LRBA: variants seen among roughly 807,000 people sequenced by gnomAD.
LRBA encodes lipopolysaccharide-responsive and beige-like anchor protein.
A neutral mutation model predicts 330.0 loss-of-function variants in LRBA; 176 were observed. The observed-to-expected ratio is 0.53, with a 90% CI of 0.47 to 0.60. The LOEUF (loss-of-function observed/expected upper bound fraction) is 0.60. LRBA is among the 20% of genes least tolerant of loss of function. The probability of loss-of-function intolerance (pLI) is 0.00; values close to 1 mark genes in which losing one functional copy is unlikely to be tolerated. For synonymous variants in LRBA, 1,230 were observed against 1,193.0 expected (o/e 1.03, Z -0.64); for missense variants, 3,259 against 3,444.8 (o/e 0.95, Z 1.35).
intron 30 of LRBA, among the ~76,000 whole-genome samples, chr4:150,826,220 C>T (rs903247129): frequency 3.3e-5 from 5 of 152,116 alleles, no homozygotes; most frequent in Non-Finnish European, 5.9e-5. Context: ...TTCTGCCAAC[C>T]AAGAGGCAAC....
chr4:150,772,093 C>T (rs1292970255), intron 34 of LRBA, among the ~76,000 whole-genome samples: 1 of 152,108 alleles, frequency 6.6e-6, no homozygotes. Context: ...ATAGCCACAG[C>T]CCATGAATTA....
chr4:150,933,580 T>G (rs913022953), intron 2 of LRBA, among the ~76,000 whole-genome samples: 8 of 152,160 alleles, frequency 5.3e-5, no homozygotes, highest in African/African-American at 1.9e-4. Context: ...TGTCTAAGAA[T>G]GAACTAAATA....
chr4:150,622,844 C>A (rs1424724919), intron 37 of LRBA, among the ~76,000 whole-genome samples: 1 of 152,006 alleles, frequency 6.6e-6, no homozygotes, highest in Non-Finnish European at 1.5e-5. Flanking sequence ...ACTACAGGCG[C>A]CCGCCACCGC....
intron 40 of LRBA, among the ~76,000 whole-genome samples, chr4:150,523,859 T>G (rs890944531): frequency 3.3e-5 from 5 of 152,162 alleles, no homozygotes; most frequent in African/African-American, 4.8e-5. Context: ...TACTAGATTT[T>G]AAAGTTGTAC....
intron 47 of LRBA, among the ~76,000 whole-genome samples, chr4:150,367,745 C>A (rs1179752224): frequency 6.6e-6 from 1 of 152,092 alleles, no homozygotes; most frequent in Non-Finnish European, 1.5e-5. Context: ...TTTGCTTATA[C>A]CCTAAGCTAC....
At chr4:150,506,554 A>T (rs1373792121) in intron 40 of LRBA, among the ~76,000 whole-genome samples, 1 of 152,232 alleles carries the variant, frequency 6.6e-6, no homozygotes, top group African/African-American at 2.4e-5. Flanking sequence ...CTCTCAATAA[A>T]TTAGGTATTA....
intron 19 of LRBA, among the ~76,000 whole-genome samples, 155 bp downstream of exon 19, chr4:150,871,190 C>A (rs1753394438): frequency 6.6e-6 from 1 of 152,088 alleles, no homozygotes; most frequent in South Asian, 2.1e-4. Context: ...TTGCAGTGAG[C>A]CAAGACTGTA....
chr4:150,870,793 G>A (rs1398370234), intron 19 of LRBA, among the ~76,000 whole-genome samples, 187 bp from the exon 20 acceptor site: 1 of 152,116 alleles, frequency 6.6e-6, no homozygotes, highest in African/African-American at 2.4e-5. Flanking sequence ...ATTACTCTAT[G>A]TTTTCTTAAT....
chr4:150,977,830 G>A (rs1468601740), intron 2 of LRBA, among the ~76,000 whole-genome samples: 1 of 152,202 alleles, frequency 6.6e-6, no homozygotes, highest in African/African-American at 2.4e-5. Context: ...TAAACAGGAG[G>A]GAAGAGTGGG....
At chr4:150,489,273 ATATAT>A (rs1349486594) in intron 41 of LRBA, among the ~76,000 whole-genome samples, 2 of 58,816 alleles carry the variant, frequency 3.4e-5, no homozygotes, top group East Asian at 1.2e-3. Flanking sequence ...AGAATATATA[ATATAT>A]TATATATAAG....
At chr4:150,960,531 G>A (rs1660969769) in intron 2 of LRBA, among the ~76,000 whole-genome samples, 1 of 148,826 alleles carries the variant, frequency 6.7e-6, no homozygotes, top group South Asian at 2.1e-4. Context: ...ATAGATAAGG[G>A]ATGTATTATT....
At chr4:150,399,315 T>C (rs986454678) in intron 47 of LRBA, among the ~76,000 whole-genome samples, 6 of 152,154 alleles carry the variant, frequency 3.9e-5, no homozygotes, top group Admixed American at 2.0e-4. Context: ...CCTGTGACCA[T>C]GGCAGAAACT....
At chr4:150,550,951 C>T (rs1766506544) in intron 40 of LRBA, among the ~76,000 whole-genome samples, 1 of 152,148 alleles carries the variant, frequency 6.6e-6, no homozygotes, top group Non-Finnish European at 1.5e-5. Context: ...CCATATCCCC[C>T]AAAGTTCATG....
At chr4:150,592,293 A>G (rs1439558118) in intron 38 of LRBA, among the ~76,000 whole-genome samples, 1 of 151,720 alleles carries the variant, frequency 6.6e-6, no homozygotes, top group Non-Finnish European at 1.5e-5. Context: ...GTTAACCTGC[A>G]CATGTGTTAC....
intron 35 of LRBA, among the ~76,000 whole-genome samples, chr4:150,735,959 G>A (rs923790318): frequency 7.2e-5 from 11 of 152,120 alleles, no homozygotes; most frequent in Non-Finnish European, 1.6e-4. Flanking sequence ...TTGGTATTTA[G>A]GTTAACTGGC....
At chr4:150,336,475 A>G (rs979652448) in intron 48 of LRBA, among the ~76,000 whole-genome samples, 2 of 152,182 alleles carry the variant, frequency 1.3e-5, no homozygotes, top group Admixed American at 1.3e-4. Flanking sequence ...AATACATATC[A>G]TGATGGAATG....
intron 42 of LRBA, among the ~76,000 whole-genome samples, chr4:150,484,162 A>C (rs1440731737): frequency 6.6e-6 from 1 of 151,978 alleles, no homozygotes; most frequent in African/African-American, 2.4e-5. Flanking sequence ...CTTTGTATGC[A>C]TTTGGTGTTC....
At chr4:150,270,586 G>A (rs1320395887) in intron 56 of LRBA, among the ~76,000 whole-genome samples, 2 of 152,172 alleles carry the variant, frequency 1.3e-5, no homozygotes, top group African/African-American at 4.8e-5. Flanking sequence ...GTCTGGAAAT[G>A]GATGATGGTG....
chr4:150,678,037 C>T (rs974369423), intron 37 of LRBA, among the ~76,000 whole-genome samples: 2 of 151,794 alleles, frequency 1.3e-5, no homozygotes, highest in Admixed American at 6.6e-5. Flanking sequence ...GTCAGGAGTT[C>T]GAGACCAGCC....
Sources: gnomAD v4.1 joint callset for allele counts (sites outside exome capture counted in the v4.1 genomes callset) on GRCh38, gnomAD v4.1.1 for gene constraint, MANE v1.5 for transcripts, NCBI Gene and HGNC (gene_info 2026-07-23, HGNC 2026-07-21) for gene names.